Variants in DNAJC8 observed in about 807,000 individuals in gnomAD.
DNAJC8 encodes the protein dnaJ homolog subfamily C member 8.
Under a neutral mutation model 43.2 loss-of-function variants are expected in DNAJC8, and 24 were observed. The observed-to-expected ratio is 0.56, with a 90% CI of 0.40 to 0.78. DNAJC8 has a LOEUF of 0.78. Among genes scored for constraint, DNAJC8 ranks in the 30% least tolerant of loss-of-function variants. The pLI is 0.00. For missense variants in DNAJC8, 207 were observed against 299.4 expected (o/e 0.69, Z 2.28); for synonymous variants, 83 against 98.0 (o/e 0.85, Z 0.90).
rs995984660 is a variant in DNAJC8 at position 28,200,660 on chromosome 1, A to G, written c.*588T>C. On this transcript the variant is annotated 3_prime_UTR_variant, in exon 9 of 9. Transcript: ENST00000263697. ...AGGACGGCTAGCTCTTTGGAAAGTG[A>G]AAGGTTTGGGTGGCGTGGGCCTCAT... 3 of 455,018 alleles carry G rather than the reference A, an allele frequency of 6.6e-6. No homozygotes were observed. In the East Asian group the frequency reaches 2.1e-4, roughly 32 times the overall value. 28.2% of individuals were successfully genotyped at this position (455,018 alleles called of 1,614,324 possible).
intron 2 of DNAJC8, among the ~76,000 whole-genome samples, chr1:28,224,691 T>C (rs910159326): frequency 1.4e-4 from 21 of 152,064 alleles, no homozygotes; most frequent in African/African-American, 5.1e-4. Context: ...GAGACAAGCC[T>C]GGCCAGCTTG....
intron 2 of DNAJC8, among the ~76,000 whole-genome samples, chr1:28,225,483 T>C (rs1395560053): frequency 6.6e-6 from 1 of 151,208 alleles, no homozygotes; most frequent in African/African-American, 2.4e-5. Flanking sequence ...ACGGTACCAT[T>C]CCACTTACAC....
chr1:28,229,656 C>T (rs543489303), intron 1 of DNAJC8, among the ~76,000 whole-genome samples: 4 of 151,996 alleles, frequency 2.6e-5, no homozygotes, highest in African/African-American at 9.7e-5. Context: ...GGCGTGTAGT[C>T]CCAGCTACTT....
At position 28,205,315 on chromosome 1, in the gene DNAJC8, A is replaced by C; in HGVS notation, c.506T>G (p.Leu169Arg). ...CCTTTTAATTTCCAGCTCTGCAAAG[A>C]GTTTCATTGTCTGTTTATATACAGC... ...KQAVYKQTMK[L>R]FAELEIKRKE... Residue 169 changes from leucine (L) to arginine (R), a missense_variant, in exon 7 of 9, where the codon CTC (leucine) becomes CGC (arginine). Coordinates refer to ENST00000263697, the MANE Select transcript of DNAJC8 (RefSeq NM_014280.3). 1 of 1,613,526 alleles carries C rather than the reference A, an allele frequency of 6.2e-7. No homozygotes were observed. The highest frequency in any genetic ancestry group is 8.5e-7 in the Non-Finnish European group (1 of 1,179,888).
In DNAJC8 at chr1:28,222,292, CCTGA is replaced by C. The variant is rs1268035592; in HGVS notation, c.180+6626_180+6629del. Reference sequence around the variant, plus strand: ...CCTGAGGTCAGGCGTTCGAGACCAGCCTGACTAACATGGTGAAACCCCATCTCTA... The same window carrying C: ...CCTGAGGTCAGGCGTTCGAGACCAGCCTAACATGGTGAAACCCCATCTCTA... On this transcript the variant is annotated intron_variant, in intron 2 of 8. Transcript: ENST00000263697. 2.6e-5 allele frequency among the ~76,000 whole-genome samples: 4 copies of C among 151,794 alleles called. No homozygotes were observed. In the East Asian group the frequency reaches 7.7e-4, roughly 29 times the overall value.
At chr1:28,204,349 G>C (rs2149014547) in intron 7 of DNAJC8, among the ~76,000 whole-genome samples, 1 of 152,116 alleles carries the variant, frequency 6.6e-6, no homozygotes, top group East Asian at 1.9e-4. Context: ...GGGAGGCTGG[G>C]GCAGGTGGAT....
chr1:28,222,742 G>A (rs1646907412), intron 2 of DNAJC8, among the ~76,000 whole-genome samples: 1 of 152,108 alleles, frequency 6.6e-6, no homozygotes, highest in Non-Finnish European at 1.5e-5. Flanking sequence ...ACAGAAAGTA[G>A]TGGCTAGTCA....
chr1:28,215,655 A>G (rs1231936779), intron 2 of DNAJC8, among the ~76,000 whole-genome samples: 2 of 151,194 alleles, frequency 1.3e-5, no homozygotes, highest in East Asian at 1.9e-4. Flanking sequence ...TTCCTGCCTA[A>G]GCCTCCTGAG....
In DNAJC8 at chr1:28,208,415, T is replaced by TA; in HGVS notation, c.400-3dup. On this transcript the variant is annotated splice_region_variant and splice_polypyrimidine_tract_variant and intron_variant, in intron 5 of 8. Transcript: ENST00000263697. ...TAATTGTTTTTTTCGCTCTTTCACC[T>TA]AAAAAGAATTTTTTTTCATCAAAAG... 1.9e-6 allele frequency: 3 copies of TA among 1,607,782 alleles called. No individual in the cohort carries two copies. The highest frequency in any genetic ancestry group is 2.6e-6 in the Non-Finnish European group (3 of 1,175,698).
At chr1:28,214,886 A>C in intron 3 of DNAJC8, 54 bp downstream of exon 3, 2 of 1,482,122 alleles carry the variant, frequency 1.3e-6, no homozygotes, top group Non-Finnish European at 1.8e-6. Context: ...GTGATAAAAG[A>C]ATCATGTGCT....
chr1:28,228,088 C>G (rs539809053), intron 2 of DNAJC8, among the ~76,000 whole-genome samples: 2 of 152,164 alleles, frequency 1.3e-5, no homozygotes, highest in African/African-American at 4.8e-5. Flanking sequence ...CAGTGGCTCA[C>G]GCCTGTAATC....
At chr1:28,226,239 C>T (rs1477216060) in intron 2 of DNAJC8, among the ~76,000 whole-genome samples, 1 of 151,130 alleles carries the variant, frequency 6.6e-6, no homozygotes, top group African/African-American at 2.4e-5. Context: ...GGTGTGGTGG[C>T]TCACGTCTGT....
chr1:28,216,575 T>C (rs1463276119), intron 2 of DNAJC8, among the ~76,000 whole-genome samples: 1 of 152,076 alleles, frequency 6.6e-6, no homozygotes, highest in Non-Finnish European at 1.5e-5. Context: ...CTGTGTGTAT[T>C]TGGGGATTAC....
In DNAJC8 at chr1:28,212,964, C is replaced by T. The variant is rs550765513; in HGVS notation, c.237+1976G>A. On this transcript the variant is annotated intron_variant, in intron 3 of 8. Transcript: ENST00000263697. The stretch of plus-strand genomic sequence containing the variant: ...GTAAAGAAATTAGCAGACTAACACA[C>T]GCTGACAATAGTTAGCATATAGTGA... Among the ~76,000 whole-genome samples, 5 of 152,316 alleles carry T rather than the reference C, an allele frequency of 3.3e-5. No homozygotes were observed. The South Asian group carries it at 6.2e-4, about 19-fold the overall frequency.
intron 8 of DNAJC8, among the ~76,000 whole-genome samples, chr1:28,202,890 G>C (rs1273034055): frequency 6.6e-6 from 1 of 152,066 alleles, no homozygotes; most frequent in Non-Finnish European, 1.5e-5. Context: ...CCAGCATATG[G>C]TATTTCTAAT....
Position 28,201,323 on chromosome 1 carries a change from A to G in DNAJC8, c.687T>C (p.Asn229=). The change falls in exon 9 of 9, where the codon AAT becomes AAC. Residue 229 remains asparagine, a synonymous_variant. Coordinates refer to ENST00000263697, the MANE Select transcript of DNAJC8 (RefSeq NM_014280.3). ...RVDSWRNFQA[N]TKGKKEKKNR... is the part of the protein sequence containing the mutation. ...TTTTCTTCTCTTTCTTCCCCTTCGT[A>G]TTGGCTTGGAAGTTTCGCCAGCTGT... 3 of 1,613,642 alleles carry G rather than the reference A, an allele frequency of 1.9e-6. No homozygotes were observed. The South Asian group carries it at 3.3e-5, about 18-fold the overall frequency.
chr1:28,227,785 G>A (rs1318945156), intron 2 of DNAJC8, among the ~76,000 whole-genome samples: 2 of 152,044 alleles, frequency 1.3e-5, no homozygotes, highest in Non-Finnish European at 2.9e-5. Context: ...GAAGGATTAA[G>A]TGTATGATGC....
Position 28,205,277 on chromosome 1 carries a change from C to A in DNAJC8, c.544G>T (p.Ala182Ser), listed in dbSNP as rs1353818234. 2.8e-5 allele frequency: 45 copies of A among 1,612,712 alleles called. No individual in the cohort carries two copies. Among genetic ancestry groups the A allele is most frequent in the Non-Finnish European group, 3.6e-5 (43 of 1,179,550 alleles). Residue 182 changes from alanine to serine, a missense_variant, in exon 7 of 9, where the codon GCC (alanine) becomes TCC (serine). Physicochemically the swap from Ala to Ser is moderately conservative, Grantham distance 99. Coordinates refer to ENST00000263697, the MANE Select transcript of DNAJC8 (RefSeq NM_014280.3). ...ELEIKRKEREAKEMHERKRQR... is the reference protein window; with the variant it reads ...ELEIKRKERESKEMHERKRQR... ...ATGTACCTTTCATGCATCTCTTTGG[C>A]TTCTCTCTCTTTCCTTTTAATTTCC...
chr1:28,229,706 A>T (rs934444707), intron 1 of DNAJC8, among the ~76,000 whole-genome samples: 3 of 151,802 alleles, frequency 2.0e-5, no homozygotes, highest in African/African-American at 7.3e-5. Context: ...CCCCAGGGAC[A>T]GAGGTTGCAG....
Sources: allele counts gnomAD v4.1 joint callset (sites outside exome capture counted in the v4.1 genomes callset), GRCh38; gene constraint gnomAD v4.1.1; transcripts MANE v1.5; gene names NCBI Gene and HGNC (gene_info 2026-07-23, HGNC 2026-07-21).